The following NRG1 variants were observed in gnomAD, a reference collection of about 807,000 sequenced individuals.
The protein encoded by NRG1 is pro-neuregulin-1, membrane-bound isoform.
In NRG1, 18 loss-of-function variants were observed where a neutral mutation model predicts 63.8. The ratio of observed to expected loss-of-function variants is 0.28; its 90% confidence interval spans 0.19 to 0.42. The LOEUF is 0.42. NRG1 is among the 10% of genes least tolerant of loss of function. NRG1 has a pLI of 1.00. For synonymous variants in NRG1, 302 were observed against 301.3 expected (o/e 1.00, Z -0.02); for missense variants, 762 against 814.7 (o/e 0.94, Z 0.79).
intron 1 of NRG1, chr8:32,030,300 C>T (rs142422875): frequency 6.6e-6 from 1 of 152,268 alleles, no homozygotes; most frequent in Non-Finnish European, 1.5e-5. Flanking sequence ...TCTGTGTAAT[C>T]ATATGATGAC....
At chr8:31,765,571 A>G (rs1817977736) in intron 1 of NRG1, among the ~76,000 whole-genome samples, 2 of 152,192 alleles carry the variant, frequency 1.3e-5, no homozygotes, top group African/African-American at 4.8e-5. Flanking sequence ...CTTTTTCTAT[A>G]TCCTGTGTAG....
chr8:31,748,496 T>C (rs1816120092), intron 1 of NRG1, among the ~76,000 whole-genome samples: 1 of 151,896 alleles, frequency 6.6e-6, no homozygotes, highest in South Asian at 2.1e-4. Context: ...TTTTAGTTCT[T>C]TGTTCTGAAT....
chr8:32,039,042 C>G (rs974133360), intron 1 of NRG1, among the ~76,000 whole-genome samples: 2 of 152,138 alleles, frequency 1.3e-5, no homozygotes, highest in Non-Finnish European at 2.9e-5. Flanking sequence ...GTTATATTCA[C>G]AAATTCTGGG....
chr8:32,382,493 G>A (rs1407199021), intron 1 of NRG1, among the ~76,000 whole-genome samples: 1 of 152,136 alleles, frequency 6.6e-6, no homozygotes, highest in African/African-American at 2.4e-5. Context: ...CCAGGATGAT[G>A]AATTACCTGT....
In NRG1 at chr8:32,139,803, C is replaced by G. The variant is rs369393893; in HGVS notation, c.38-456025C>G. Among the ~76,000 whole-genome samples the G allele has an allele frequency of 4.9e-4, 74 of 152,238 alleles. No individual in the cohort carries two copies. In the South Asian group the frequency reaches 6.0e-3, roughly 12 times the overall value. ...ATTCATAAATAGCAAGTTGAGAATG[C>G]ATGTTTATACCATGTAGACAATGCA... On this transcript the variant is annotated intron_variant, in intron 1 of 10. Transcript: ENST00000519301.
At chr8:32,216,593 A>G (rs1845253299) in intron 1 of NRG1, among the ~76,000 whole-genome samples, 1 of 150,006 alleles carries the variant, frequency 6.7e-6, no homozygotes, top group South Asian at 2.1e-4. Flanking sequence ...AACCAACTTT[A>G]GGTTATCATT....
intron 1 of NRG1, among the ~76,000 whole-genome samples, chr8:31,771,877 A>G (rs1186852134): frequency 6.6e-6 from 1 of 152,206 alleles, no homozygotes; most frequent in Non-Finnish European, 1.5e-5. Flanking sequence ...ACAGAAAAAT[A>G]CAAGCACAGT....
intron 9 of NRG1, 107 bp from the exon 10 acceptor site, chr8:32,759,199 T>G: frequency 8.0e-7 from 1 of 1,253,882 alleles, no homozygotes; most frequent in Non-Finnish European, 1.1e-6. Context: ...AAAAATAGAT[T>G]TGTGTGTTTC....
intron 1 of NRG1, among the ~76,000 whole-genome samples, chr8:32,380,814 A>T: frequency 6.6e-6 from 1 of 152,200 alleles, no homozygotes; most frequent in Non-Finnish European, 1.5e-5. Context: ...TTTGGGGTAC[A>T]TGTGATAATT....
At chr8:31,804,910 A>G (rs979191144) in intron 1 of NRG1, among the ~76,000 whole-genome samples, 1 of 152,208 alleles carries the variant, frequency 6.6e-6, no homozygotes, top group Non-Finnish European at 1.5e-5. Context: ...CCCATCATGC[A>G]TTTGTGGTAT....
At chr8:32,033,722 A>C (rs1343445022) in intron 1 of NRG1, among the ~76,000 whole-genome samples, 1 of 151,968 alleles carries the variant, frequency 6.6e-6, no homozygotes, top group African/African-American at 2.4e-5. Flanking sequence ...TGTGAATAGG[A>C]GTTCATATTC....
At chr8:32,125,932 T>C (rs1255729481) in intron 1 of NRG1, among the ~76,000 whole-genome samples, 7 of 152,010 alleles carry the variant, frequency 4.6e-5, no homozygotes, top group African/African-American at 1.4e-4. Flanking sequence ...TCAGTTTGCA[T>C]GTGGAGTTCA....
intron 1 of NRG1, among the ~76,000 whole-genome samples, chr8:32,271,400 C>T (rs1283505892): frequency 6.6e-6 from 1 of 152,092 alleles, no homozygotes; most frequent in Non-Finnish European, 1.5e-5. Flanking sequence ...AGATGAGGGG[C>T]AGGCATAGAA....
intron 1 of NRG1, among the ~76,000 whole-genome samples, chr8:32,165,111 G>A (rs1481741): frequency 0.029 from 4,364 of 151,922 alleles, 181 homozygotes; most frequent in African/African-American, 0.099. Flanking sequence ...AGTTGGAGGT[G>A]GGTATCACAC....
chr8:31,824,072 G>T (rs1824283530), intron 1 of NRG1, among the ~76,000 whole-genome samples: 2 of 151,706 alleles, frequency 1.3e-5, no homozygotes, highest in Admixed American at 1.3e-4. Context: ...CAACGTGCAG[G>T]TTTGTTACAT....
chr8:32,398,380 G>A (rs540127982), intron 1 of NRG1, among the ~76,000 whole-genome samples: 1 of 147,902 alleles, frequency 6.8e-6, no homozygotes, highest in African/African-American at 2.5e-5. Flanking sequence ...GTGCAGCTCT[G>A]TTTAACATGT....
downstream of NRG1, among the ~76,000 whole-genome samples, chr8:32,768,560 T>A (rs940115916): frequency 6.6e-6 from 1 of 152,116 alleles, no homozygotes; most frequent in Non-Finnish European, 1.5e-5. Context: ...CAAATCAAAC[T>A]CATGTCTATC....
chr8:32,238,439 C>T (rs1466168462), intron 1 of NRG1, among the ~76,000 whole-genome samples: 2 of 125,868 alleles, frequency 1.6e-5, no homozygotes, highest in Non-Finnish European at 3.3e-5. Context: ...GACTCTTTCT[C>T]AAAAAGAAAA....
chr8:31,690,756 T>C (rs557108246), intron 1 of NRG1, among the ~76,000 whole-genome samples: 43 of 152,244 alleles, frequency 2.8e-4, no homozygotes, highest in Non-Finnish European at 5.7e-4. Flanking sequence ...GTTTCTCTAA[T>C]TGGAAGGAGG....
Sources: gnomAD v4.1 joint callset for allele counts (sites outside exome capture counted in the v4.1 genomes callset) on GRCh38, gnomAD v4.1.1 for gene constraint, MANE v1.5 for transcripts, NCBI Gene and HGNC (gene_info 2026-07-23, HGNC 2026-07-21) for gene names.